The following SNX8 variants were observed in gnomAD, a reference collection of about 807,000 sequenced individuals.
The protein encoded by SNX8 is sorting nexin-8.
SNX8 carries 25 observed loss-of-function variants against 51.6 expected under a neutral mutation model. That is an observed-to-expected ratio of 0.48 (90% confidence interval 0.35 to 0.68). The LOEUF is 0.68. SNX8 is among the 30% of genes least tolerant of loss of function. The pLI is 0.00. For synonymous variants in SNX8, 324 were observed against 277.0 expected (o/e 1.17, Z -1.68); for missense variants, 695 against 624.0 (o/e 1.11, Z -1.21).
intron 5 of SNX8, among the ~76,000 whole-genome samples, chr7:2,265,506 G>A (rs766828326): frequency 1.2e-4 from 18 of 151,504 alleles, no homozygotes; most frequent in Non-Finnish European, 1.9e-4. Context: ...TTAGCCAGGC[G>A]TGGTGGAGCG....
At chr7:2,296,817 C>A (rs1473427132) in intron 1 of SNX8, among the ~76,000 whole-genome samples, 1 of 151,772 alleles carries the variant, frequency 6.6e-6, no homozygotes, top group Non-Finnish European at 1.5e-5. Flanking sequence ...GTAATCCCAG[C>A]TACTCAGGAG....
chr7:2,277,319 G>C (rs574210586), intron 2 of SNX8, among the ~76,000 whole-genome samples: 2 of 152,326 alleles, frequency 1.3e-5, no homozygotes, highest in Admixed American at 1.3e-4. Context: ...AGCAACAGGA[G>C]GGCCGTGTTA....
At chr7:2,329,840 T>G (rs1457038887) in intron 1 of SNX8, among the ~76,000 whole-genome samples, 3 of 152,022 alleles carry the variant, frequency 2.0e-5, no homozygotes, top group South Asian at 4.2e-4. Context: ...CCTTTTTTTT[T>G]TTTTTGAGAC....
At chr7:2,273,529 T>C (rs1296447690) in intron 3 of SNX8, among the ~76,000 whole-genome samples, 2 of 148,422 alleles carry the variant, frequency 1.3e-5, no homozygotes, top group East Asian at 4.0e-4. Flanking sequence ...GAGCTTGCAG[T>C]GAGCCGAGAC....
At chr7:2,327,042 G>C (rs909022372) in intron 1 of SNX8, among the ~76,000 whole-genome samples, 1 of 152,168 alleles carries the variant, frequency 6.6e-6, no homozygotes, top group Non-Finnish European at 1.5e-5. Context: ...CTAGAAGTCT[G>C]AAATCAAGTT....
intron 1 of SNX8, among the ~76,000 whole-genome samples, chr7:2,325,421 G>A (rs1169865614): frequency 6.6e-6 from 1 of 152,152 alleles, no homozygotes; most frequent in Non-Finnish European, 1.5e-5. Context: ...AGGAAATGAG[G>A]AACGTGGTAT....
chr7:2,351,390 G>A (rs973047904), intron 1 of SNX8, among the ~76,000 whole-genome samples: 2 of 152,088 alleles, frequency 1.3e-5, no homozygotes, highest in East Asian at 1.9e-4. Context: ...CATCTCTACA[G>A]AAAAACAAAA....
chr7:2,335,840 G>A (rs1285471730), intron 1 of SNX8, among the ~76,000 whole-genome samples: 3 of 150,362 alleles, frequency 2.0e-5, no homozygotes, highest in Non-Finnish European at 4.4e-5. Context: ...TCTACAGTAG[G>A]CAAAACTTGA....
chr7:2,310,912 C>T (rs1411434109), intron 1 of SNX8, among the ~76,000 whole-genome samples: 8 of 152,106 alleles, frequency 5.3e-5, no homozygotes, highest in Admixed American at 3.9e-4. Context: ...AGAACTAAAA[C>T]GGTCCATCCC....
chr7:2,335,069 G>A (rs905067322), intron 1 of SNX8, among the ~76,000 whole-genome samples: 4 of 151,656 alleles, frequency 2.6e-5, no homozygotes, highest in Non-Finnish European at 4.4e-5. Context: ...GGTTGTGTGC[G>A]CCTGTAATCC....
At chr7:2,321,188 C>T (rs953159276) in intron 1 of SNX8, among the ~76,000 whole-genome samples, 2 of 152,084 alleles carry the variant, frequency 1.3e-5, no homozygotes, top group Non-Finnish European at 2.9e-5. Context: ...AAAGCCAGGG[C>T]TACAGGTGGG....
chr7:2,266,138 T>G (rs2115106953), intron 5 of SNX8, among the ~76,000 whole-genome samples: 2 of 152,210 alleles, frequency 1.3e-5, no homozygotes, highest in South Asian at 4.1e-4. Context: ...TAAAATAGAT[T>G]TTTAATTTTT....
At position 2,269,087 on chromosome 7, in the gene SNX8, A is replaced by G. The variant is rs1459523555; in HGVS notation, c.621+472T>C. On this transcript the variant is annotated intron_variant, in intron 5 of 10. Coordinates refer to ENST00000222990, the MANE Select transcript of SNX8 (RefSeq NM_013321.4). ...ACAATGGCGGCTTTGTGGAATAGAA[A>G]GGCGGGAAAGGTGGGGAAAAGATTG... Among the ~76,000 whole-genome samples the G allele has an allele frequency of 9.0e-4, 124 of 137,866 alleles. 1 individual carries two copies. Among genetic ancestry groups the G allele is most frequent in the African/African-American group, 2.8e-3 (108 of 37,950 alleles). The allele number at this position is 137,866 out of a possible 152,430, so 90.4% of individuals were successfully genotyped here. A position where few individuals can be genotyped will look rare whatever the true frequency, so the allele number is the denominator to read the frequency against.
chr7:2,323,513 C>T (rs558201154), intron 1 of SNX8, among the ~76,000 whole-genome samples: 3 of 152,136 alleles, frequency 2.0e-5, no homozygotes, highest in Admixed American at 6.6e-5. Context: ...TGTCTGTCAC[C>T]GGCATGCAGA....
At chr7:2,269,995 G>A (rs1261944403) in intron 4 of SNX8, among the ~76,000 whole-genome samples, 1 of 152,098 alleles carries the variant, frequency 6.6e-6, no homozygotes, top group East Asian at 1.9e-4. Flanking sequence ...CCGGGGCGGC[G>A]TCAGCCCCAG....
At chr7:2,279,490 G>A (rs942357428) in intron 1 of SNX8, among the ~76,000 whole-genome samples, 2 of 152,124 alleles carry the variant, frequency 1.3e-5, no homozygotes, top group Non-Finnish European at 2.9e-5. Flanking sequence ...CATGGCTCAC[G>A]CCTGTAATCC....
intron 10 of SNX8, among the ~76,000 whole-genome samples, chr7:2,256,156 C>A (rs766917868): frequency 1.1e-5 from 1 of 93,002 alleles, no homozygotes; most frequent in South Asian, 3.2e-4. Context: ...GCTCCTAACA[C>A]GGCGGCTGTC....
chr7:2,255,519 T>C (rs1371415075), intron 10 of SNX8, among the ~76,000 whole-genome samples: 1 of 152,130 alleles, frequency 6.6e-6, no homozygotes, highest in Admixed American at 6.5e-5. Context: ...CATGGAAGCC[T>C]TGGCAGGTCA....
At chr7:2,318,510 C>T (rs1442594947), upstream of SNX8, among the ~76,000 whole-genome samples, 1 of 140,632 alleles carries the variant, frequency 7.1e-6, no homozygotes. Flanking sequence ...GGCAAAAGAG[C>T]GAAACTCTGT....
Sources: gnomAD v4.1 joint callset for allele counts (sites outside exome capture counted in the v4.1 genomes callset) on GRCh38, gnomAD v4.1.1 for gene constraint, MANE v1.5 for transcripts, NCBI Gene and HGNC (gene_info 2026-07-23, HGNC 2026-07-21) for gene names.